FKBP11: variants seen among roughly 807,000 people sequenced by gnomAD.
The protein encoded by FKBP11 is peptidyl-prolyl cis-trans isomerase FKBP11.
Under a neutral mutation model 24.7 loss-of-function variants are expected in FKBP11, and 21 were observed. That is an observed-to-expected ratio of 0.85 (90% CI 0.60 to 1.23). FKBP11 has a LOEUF of 1.23. Ranked by LOEUF, FKBP11 falls within the 50% of genes most tolerant of loss-of-function variation. FKBP11 has a pLI of 0.00. For synonymous variants in FKBP11, 106 were observed against 100.6 expected (o/e 1.05, Z -0.32); for missense variants, 245 against 248.7 (o/e 0.99, Z 0.10).
At chr12:48,931,937 A>T in the FKBP11 span, 1 of 153,584 alleles carries the variant, frequency 6.5e-6, no homozygotes, top group East Asian at 1.9e-4. Flanking sequence ...TCAATCTCTC[A>T]GGCTCAAGCA....
chr12:48,923,776 G>C lies in FKBP11; in HGVS notation c.388+6C>G. 1 of 1,613,328 alleles carries C rather than the reference G, an allele frequency of 6.2e-7. No individual in the cohort carries two copies. The highest frequency in any genetic ancestry group is 8.5e-7 in the Non-Finnish European group (1 of 1,179,286). The stretch of plus-strand genomic sequence containing the variant: ...ATGGCCTGAGAGAGAGTCCTAGTCA[G>C]ATTACCTGGGACAGATGGTGGAAAT... On this transcript the variant is annotated splice_donor_region_variant and intron_variant, in intron 5 of 5. Coordinates refer to ENST00000550765, the MANE Select transcript of FKBP11 (RefSeq NM_016594.3).
At chr12:48,933,435 C>T in the FKBP11 span, among the ~76,000 whole-genome samples, 1 of 152,282 alleles carries the variant, frequency 6.6e-6, no homozygotes, top group East Asian at 1.9e-4. Context: ...GGCACGGTGG[C>T]TCATGCCTGT....
Position 48,925,297 on chromosome 12 carries a change from C to T in FKBP11, c.129+3G>A, listed in dbSNP as rs1323034030. Reference sequence around the variant, plus strand: ...GGGCTGAGGGTCGGGACTATCTCCTCACCAGGGTCTCCACTTGGAGGGTCC... The same window carrying T: ...GGGCTGAGGGTCGGGACTATCTCCTTACCAGGGTCTCCACTTGGAGGGTCC... On this transcript the variant is annotated splice_donor_region_variant and intron_variant, in intron 1 of 5. Transcript: ENST00000550765. 6.2e-7 allele frequency: 1 copy of T among 1,612,142 alleles called. No individual in the cohort carries two copies. The highest frequency in any genetic ancestry group is 8.5e-7 in the Non-Finnish European group (1 of 1,179,500).
upstream of FKBP11, among the ~76,000 whole-genome samples, chr12:48,928,808 AAACTTCT>A (rs1940012910): frequency 6.9e-6 from 1 of 144,736 alleles, no homozygotes; most frequent in Non-Finnish European, 1.5e-5. Flanking sequence ...AGGCAGAAAT[AAACTTCT>A]ATCTTTTTTT....
chr12:48,928,840 T>TTTTTTTTTTA (rs1940014210), upstream of FKBP11, among the ~76,000 whole-genome samples: 2 of 145,192 alleles, frequency 1.4e-5, no homozygotes, highest in African/African-American at 5.1e-5. Flanking sequence ...TTTTTTTTTT[T>TTTTTTTTTTA]GAGACAGAGT....
intron 2 of FKBP11, 54 bp from the exon 3 acceptor site, chr12:48,924,702 G>A (rs868487399): frequency 3.2e-5 from 51 of 1,596,948 alleles, no homozygotes; most frequent in Middle Eastern, 3.9e-4. Flanking sequence ...CCTCCCAGCA[G>A]GCGCGCAACA....
At chr12:48,935,725 C>T in the FKBP11 span, 1 of 152,218 alleles carries the variant, frequency 6.6e-6, no homozygotes, top group East Asian at 1.9e-4. Context: ...ACTGCCCAGA[C>T]GTTTATCCTT....
chr12:48,926,805 G>T (rs911342425), upstream of FKBP11, among the ~76,000 whole-genome samples: 9 of 148,776 alleles, frequency 6.0e-5, no homozygotes, highest in African/African-American at 2.2e-4. Context: ...CTTTTTAAAA[G>T]TTTTTGTTGT....
chr12:48,937,101 G>C, the FKBP11 span: 1 of 152,446 alleles, frequency 6.6e-6, no homozygotes, highest in Non-Finnish European at 1.5e-5. Flanking sequence ...GCTGCATCCT[G>C]GGTAACACAT....
the FKBP11 span, among the ~76,000 whole-genome samples, chr12:48,933,950 C>T: frequency 6.6e-6 from 1 of 152,068 alleles, no homozygotes; most frequent in Admixed American, 6.6e-5. Context: ...AAGGGGTGTC[C>T]CCCAACTCTC....
intron 3 of FKBP11, 75 bp from the exon 4 acceptor site, chr12:48,924,331 T>C: frequency 6.4e-7 from 1 of 1,557,188 alleles, no homozygotes; most frequent in Non-Finnish European, 8.8e-7. Flanking sequence ...ATCAAAGTCT[T>C]CCTCCTCCAT....
Position 48,921,974 on chromosome 12 carries a change from T to G in FKBP11, c.*10A>C, listed in dbSNP as rs1447014686. 6 of 1,554,524 alleles carry G rather than the reference T, an allele frequency of 3.9e-6. No homozygotes were observed. The highest frequency in any genetic ancestry group is 1.9e-5 in the Admixed American group (1 of 51,694). On this transcript the variant is annotated 3_prime_UTR_variant, in exon 6 of 6. Transcript: ENST00000550765. ...AGAATGCAAATAAGTTTTTTAAAATTTATTATTTATTATTTCTTTTTGCTC... is the reference window on the plus strand; with the variant it reads ...AGAATGCAAATAAGTTTTTTAAAATGTATTATTTATTATTTCTTTTTGCTC...
intron 5 of FKBP11, chr12:48,922,813 C>A (rs1277722864): frequency 9.9e-7 from 1 of 1,011,522 alleles, no homozygotes; most frequent in Non-Finnish European, 1.2e-6. Flanking sequence ...GGTCCCCCTA[C>A]CCTCCTTCCA....
chr12:48,938,155 C>G, the FKBP11 span: 1 of 336,092 alleles, frequency 3.0e-6, no homozygotes, highest in Admixed American at 3.8e-5. Context: ...TCCTTGGGAA[C>G]AGTCATCTAG....
the FKBP11 span, among the ~76,000 whole-genome samples, chr12:48,932,251 ATATATATATATTTTTTTTTT>A: frequency 4.3e-4 from 17 of 39,136 alleles, no homozygotes; most frequent in Admixed American, 4.6e-3. Context: ...ATATATATAT[ATATATATATATTTTTTTTTT>A]TTTTTTTTTT....
the FKBP11 span, among the ~76,000 whole-genome samples, chr12:48,932,257 ATATATTTTTTTTTTTTTTTTTT>A: frequency 8.0e-5 from 3 of 37,512 alleles, no homozygotes; most frequent in South Asian, 1.3e-3. Flanking sequence ...ATATATATAT[ATATATTTTTTTTTTTTTTTTTT>A]TTTTTTTTTT....
chr12:48,932,508 T>G, the FKBP11 span, among the ~76,000 whole-genome samples: 3 of 151,644 alleles, frequency 2.0e-5, no homozygotes, highest in South Asian at 6.3e-4. Flanking sequence ...ATGAAGCACT[T>G]ACTTACTTCC....
chr12:48,924,740 C>T (rs1414549658), intron 2 of FKBP11, 92 bp from the exon 3 acceptor site: 1 of 1,568,990 alleles, frequency 6.4e-7, no homozygotes, highest in Non-Finnish European at 8.7e-7. Flanking sequence ...GCGGCGGCAG[C>T]CCCCTTAGTG....
chr12:48,927,232 G>A (rs1939988564), upstream of FKBP11, among the ~76,000 whole-genome samples: 2 of 152,036 alleles, frequency 1.3e-5, no homozygotes, highest in Admixed American at 6.6e-5. Context: ...CACATCCAAC[G>A]GGTCTACTCT....
Sources: gnomAD v4.1 joint callset for allele counts (sites outside exome capture counted in the v4.1 genomes callset) on GRCh38, gnomAD v4.1.1 for gene constraint, MANE v1.5 for transcripts, NCBI Gene and HGNC (gene_info 2026-07-23, HGNC 2026-07-21) for gene names.